Variants in SI observed in about 807,000 individuals in gnomAD.
The protein encoded by SI is sucrase-isomaltase, intestinal.
Under a neutral mutation model 253.3 loss-of-function variants are expected in SI, and 235 were observed. That is an observed-to-expected ratio of 0.93 (90% CI 0.83 to 1.03). SI has a LOEUF of 1.03. Ranked by LOEUF, SI falls within the 50% of genes least tolerant of loss-of-function variation. The pLI, the probability that SI is intolerant of heterozygous loss-of-function variation, is 0.00. For synonymous variants in SI, 819 were observed against 712.0 expected, an observed-to-expected ratio of 1.15 and a Z score of -2.39; for missense variants, 2,442 against 2,211.1, an observed-to-expected ratio of 1.10 and a Z score of -2.09.
chr3:165,022,535 T>TCACA (rs10686237), intron 26 of SI, among the ~76,000 whole-genome samples: 72,296 of 137,606 alleles, frequency 0.53, 19,815 homozygotes, highest in Non-Finnish European at 0.63. Flanking sequence ...TTGTGCCATC[T>TCACA]CACACACACA....
At chr3:165,087,107 G>A in the SI span, among the ~76,000 whole-genome samples, 1,756 of 152,022 alleles carry the variant, frequency 0.012, 32 homozygotes, top group African/African-American at 0.04. Context: ...TGAAGCTAGG[G>A]CAATGAAATA....
At chr3:165,067,764 G>C (rs1416965372) in intron 5 of SI, among the ~76,000 whole-genome samples, 1 of 151,874 alleles carries the variant, frequency 6.6e-6, no homozygotes, top group Non-Finnish European at 1.5e-5. Context: ...AAAAATGACA[G>C]TATTACCAAA....
rs1717222895 is a variant in SI, at chr3:164,982,257, C to G, written c.5401G>C (p.Asp1801His). 2 of 1,612,450 alleles carry G rather than the reference C, an allele frequency of 1.2e-6. No homozygotes were observed. Among genetic ancestry groups the G allele is most frequent in the Non-Finnish European group, 1.7e-6 (2 of 1,179,018 alleles). ...ACATTACTTACCATGTTGGTAGTGT[C>G]TTCATTAAAAGGAAGCGAATTTTTA... ...GNKNSLPFNEDTTNMILRIDL... is the reference protein window; with the variant it reads ...GNKNSLPFNEHTTNMILRIDL... Residue 1801 changes from aspartate (D) to histidine (H), a missense_variant, in exon 47 of 48, where the codon GAC (aspartate) becomes CAC (histidine). Coordinates refer to ENST00000264382, the MANE Select transcript of SI (RefSeq NM_001041.4).
Position 165,056,153 on chromosome 3 carries a change from T to C in SI, c.1399-846A>G, listed in dbSNP as rs190732763. ...TTGTTTTGTATCCAAACATTTCAAATCGGCTGTCTGATCTGTCCATAAGGA... is the reference window on the plus strand; with the variant it reads ...TTGTTTTGTATCCAAACATTTCAAACCGGCTGTCTGATCTGTCCATAAGGA... On this transcript the variant is annotated intron_variant, in intron 12 of 47. Coordinates refer to ENST00000264382, the MANE Select transcript of SI (RefSeq NM_001041.4). 2.4e-3 allele frequency among the ~76,000 whole-genome samples: 372 copies of C among 152,282 alleles called. 1 individual carries two copies. The highest frequency in any genetic ancestry group is 8.1e-3 in the South Asian group (39 of 4,830).
chr3:165,061,872 T>C (rs897840187), intron 9 of SI, among the ~76,000 whole-genome samples: 5 of 151,966 alleles, frequency 3.3e-5, no homozygotes, highest in African/African-American at 1.2e-4. Context: ...AGGCTAGGTT[T>C]CAAACTCAAC....
chr3:165,077,734 C>A (rs1199575209), intron 1 of SI, among the ~76,000 whole-genome samples: 3 of 151,496 alleles, frequency 2.0e-5, no homozygotes, highest in African/African-American at 7.3e-5. Context: ...ACTTTGCTAC[C>A]AAGAAGTCAA....
chr3:165,049,411 A>C (rs982291328), intron 14 of SI, among the ~76,000 whole-genome samples, 167 bp from the exon 15 acceptor site: 6 of 152,192 alleles, frequency 3.9e-5, no homozygotes, highest in African/African-American at 1.4e-4. Context: ...AGTTCCAATT[A>C]GGTCCTCATC....
At chr3:165,018,192 A>T in intron 28 of SI, 126 bp from the exon 29 acceptor site, 1 of 660,300 alleles carries the variant, frequency 1.5e-6, no homozygotes, top group South Asian at 1.7e-5. Context: ...CCAACCTTAA[A>T]CTATGCTTCA....
chr3:164,994,502 T>TCA, intron 40 of SI, 97 bp from the exon 41 acceptor site: 6 of 1,254,616 alleles, frequency 4.8e-6, no homozygotes, highest in Non-Finnish European at 7.0e-6. Flanking sequence ...TAAGACATGA[T>TCA]ATTAATTGAT....
At chr3:165,038,125 A>G in intron 20 of SI, 101 bp from the exon 21 acceptor site, 1 of 1,041,394 alleles carries the variant, frequency 9.6e-7, no homozygotes, top group Non-Finnish European at 1.5e-6. Context: ...AATTCATGTC[A>G]TCCAAATGAA....
chr3:164,997,666 G>T (rs1365592555), intron 38 of SI, among the ~76,000 whole-genome samples: 4 of 151,462 alleles, frequency 2.6e-5, no homozygotes, highest in Non-Finnish European at 5.9e-5. Context: ...TATAGGCCCT[G>T]GTGTCTGTTG....
upstream of SI, among the ~76,000 whole-genome samples, chr3:165,082,699 C>T (rs1715376783): frequency 6.6e-6 from 1 of 151,876 alleles, no homozygotes; most frequent in African/African-American, 2.4e-5. Context: ...CTTTCCTTGC[C>T]TTTGCTTAAT....
chr3:165,066,329 C>T (rs548401202), intron 6 of SI, among the ~76,000 whole-genome samples: 1 of 151,884 alleles, frequency 6.6e-6, no homozygotes, highest in East Asian at 1.9e-4. Context: ...AGCAGTCTCC[C>T]ATGGATACTG....
In SI at chr3:165,006,966, C is replaced by G. The variant is rs200234624; in HGVS notation, c.4268-12G>C. 771 of 1,576,404 alleles carry G rather than the reference C, an allele frequency of 4.9e-4. 1 individual carries two copies. The highest frequency in any genetic ancestry group is 6.2e-4 in the Non-Finnish European group (719 of 1,151,586). ...TCTTTTTGTGAGTTCTGGAAAGAAT[C>G]AATGAAAAAATATTAATATATTATA... On this transcript the variant is annotated splice_polypyrimidine_tract_variant and intron_variant, in intron 36 of 47. Transcript: ENST00000264382.
chr3:165,005,905 C>T (rs1379061268), intron 37 of SI, among the ~76,000 whole-genome samples: 1 of 152,062 alleles, frequency 6.6e-6, no homozygotes, highest in Non-Finnish European at 1.5e-5. Context: ...AGCTGCTGTG[C>T]CTGGCCAGAA....
intron 24 of SI, 33 bp from the exon 25 acceptor site, chr3:165,030,900 A>AAAAAAAAAAAAAAAAC: frequency 6.8e-7 from 1 of 1,472,328 alleles, no homozygotes; most frequent in South Asian, 1.3e-5. Flanking sequence ...AGAAAAAAAG[A>AAAAAAAAAAAAAAAAC]AAAAAAAAAC....
At chr3:165,060,475 G>T (rs568792469) in intron 9 of SI, among the ~76,000 whole-genome samples, 134 of 151,944 alleles carry the variant, frequency 8.8e-4, no homozygotes, top group Non-Finnish European at 1.6e-3. Flanking sequence ...TTACATTTTG[G>T]CAGTTATCTA....
chr3:165,058,571 T>C (rs1425504740), intron 12 of SI, among the ~76,000 whole-genome samples: 1 of 151,656 alleles, frequency 6.6e-6, no homozygotes, highest in Non-Finnish European at 1.5e-5. Flanking sequence ...ATAAACAAAA[T>C]CAGTGATTGA....
In SI at chr3:165,043,104, C is replaced by T. The variant is rs1463177741; in HGVS notation, c.1959G>A (p.Gly653=). ...EELCRRWMQL[G]AFYPFSRNHN... is the part of the protein sequence containing the mutation. Reference sequence around the variant, plus strand: ...GGTTTCTGGAAAATGGATAAAATGCCCCAAGTTGCATCCATCTTCTGCAAA... The same window carrying T: ...GGTTTCTGGAAAATGGATAAAATGCTCCAAGTTGCATCCATCTTCTGCAAA... The change falls in exon 17 of 48, where the codon GGG becomes GGA. Residue 653 remains glycine, a synonymous_variant. Coordinates refer to ENST00000264382, the MANE Select transcript of SI (RefSeq NM_001041.4). 3.7e-6 allele frequency: 6 copies of T among 1,612,370 alleles called. No homozygotes were observed. Among genetic ancestry groups the T allele is most frequent in the African/African-American group, 1.3e-5 (1 of 74,788 alleles).
Sources: gnomAD v4.1 joint callset for allele counts (sites outside exome capture counted in the v4.1 genomes callset) on GRCh38, gnomAD v4.1.1 for gene constraint, MANE v1.5 for transcripts, NCBI Gene and HGNC (gene_info 2026-07-23, HGNC 2026-07-21) for gene names.